The following GAREM1 variants were observed in gnomAD, a reference collection of about 807,000 sequenced individuals.
GAREM1 encodes the protein GRB2-associated and regulator of MAPK protein 1.
A neutral mutation model predicts 71.3 loss-of-function variants in GAREM1; 26 were observed. The ratio of observed to expected loss-of-function variants is 0.36; its 90% CI spans 0.27 to 0.51. The LOEUF is 0.51. Ranked by LOEUF, GAREM1 falls within the 20% of genes least tolerant of loss-of-function variation. GAREM1 has a pLI of 0.95. For missense variants in GAREM1, 1,026 were observed against 1,103.1 expected (o/e 0.93, Z 0.99); for synonymous variants, 440 against 433.2 (o/e 1.02, Z -0.20).
rs2047031882 is a variant in GAREM1, at chr18:32,287,339, T to C, written c.1258A>G (p.Ile420Val). The C allele has an allele frequency of 2.5e-6, 4 of 1,614,104 alleles. No individual in the cohort carries two copies. The highest frequency in any genetic ancestry group is 2.5e-6 in the Non-Finnish European group (3 of 1,180,020). The change falls in exon 4 of 6, where the codon ATC (isoleucine) becomes GTC (valine). Residue 420 changes from isoleucine to valine, a missense_variant. By Grantham distance (29) the Ile-to-Val change is conservative. Transcript: ENST00000269209. This position sits in a 1 kb window ranked among gnomAD's most constrained non-coding sequence, Gnocchi z 5.9. ...GGDWAPFPHD[I>V]LPYQDSGDSG... ...TCTCCAGAGTCCTGATAGGGCAGGA[T>C]GTCATGAGGAAAGGGAGCCCAATCT...
chr18:32,469,395 C>G (rs2049028584), intron 1 of GAREM1, among the ~76,000 whole-genome samples: 1 of 152,168 alleles, frequency 6.6e-6, no homozygotes, highest in African/African-American at 2.4e-5. Flanking sequence ...AGGCTTCTTT[C>G]TGCAAACAGT....
intron 2 of GAREM1, among the ~76,000 whole-genome samples, chr18:32,312,664 G>A (rs2047336016): frequency 1.3e-5 from 2 of 152,168 alleles, no homozygotes; most frequent in Admixed American, 1.3e-4. Context: ...TGTAGGAAAT[G>A]TTTTTATTTT....
intron 3 of GAREM1, among the ~76,000 whole-genome samples, chr18:32,299,922 A>C (rs1370648331): frequency 1.3e-5 from 2 of 152,306 alleles, no homozygotes; most frequent in East Asian, 3.9e-4. Context: ...ATATTATGAG[A>C]CTGTAAAAAT....
chr18:32,319,071 G>A (rs1275736523), intron 2 of GAREM1, among the ~76,000 whole-genome samples: 1 of 152,160 alleles, frequency 6.6e-6, no homozygotes, highest in Non-Finnish European at 1.5e-5. Context: ...CATAAAGCAG[G>A]TGCTTACTAA....
At chr18:32,363,995 C>CATATATACATATATAT (rs1398129084) in intron 2 of GAREM1, among the ~76,000 whole-genome samples, 1 of 21,338 alleles carries the variant, frequency 4.7e-5, no homozygotes, top group Non-Finnish European at 8.5e-5. Context: ...TACATATATA[C>CATATATACATATATAT]ATATATATAT....
At chr18:32,404,007 A>G (rs1417121237) in intron 1 of GAREM1, among the ~76,000 whole-genome samples, 4 of 152,230 alleles carry the variant, frequency 2.6e-5, no homozygotes, top group Non-Finnish European at 4.4e-5. Context: ...AAAGGTATGC[A>G]GGACCATAAC....
chr18:32,276,260 G>A (rs1307787960), intron 4 of GAREM1, among the ~76,000 whole-genome samples: 1 of 152,206 alleles, frequency 6.6e-6, no homozygotes, highest in Non-Finnish European at 1.5e-5. Context: ...TGTCTGTCCT[G>A]GGGGCTGATG....
intron 1 of GAREM1, among the ~76,000 whole-genome samples, chr18:32,438,833 CA>C (rs1310794083): frequency 6.6e-6 from 1 of 152,174 alleles, no homozygotes; most frequent in Non-Finnish European, 1.5e-5. Context: ...GTTAGCCCCT[CA>C]AGGTGACAAA....
In GAREM1 at chr18:32,268,559, C is replaced by A; in HGVS notation, c.1943G>T (p.Arg648Met). Reference protein sequence around the residue: ...TRSDFLLDPSRSYSYPRQKTP... With the variant: ...TRSDFLLDPSMSYSYPRQKTP... ...CTTTTGTCTAGGGTAACTATAACTC[C>A]TGCTTGGATCCAGCAGGAAGTCACT... The change falls in exon 6 of 6, where the codon AGG becomes ATG. Residue 648 changes from arginine to methionine, a missense_variant. Transcript: ENST00000269209. The A allele has an allele frequency of 6.2e-7, 1 of 1,614,152 alleles. No individual in the cohort carries two copies. Among genetic ancestry groups the A allele is most frequent in the Non-Finnish European group, 8.5e-7 (1 of 1,180,034 alleles).
At chr18:32,419,012 CAGGGTCCTCTTCTA>C (rs1599034423) in intron 1 of GAREM1, among the ~76,000 whole-genome samples, 1 of 152,194 alleles carries the variant, frequency 6.6e-6, no homozygotes, top group African/African-American at 2.4e-5. Context: ...ATCTGGAATT[CAGGGTCCTCTTCTA>C]AGCTCATTCT....
At chr18:32,419,679 C>G (rs540526536) in intron 1 of GAREM1, among the ~76,000 whole-genome samples, 2 of 151,840 alleles carry the variant, frequency 1.3e-5, no homozygotes, top group Non-Finnish European at 2.9e-5. Context: ...CTAAAAATTA[C>G]ATCTGTAAAA....
chr18:32,376,364 A>G (rs2048030429), intron 2 of GAREM1, among the ~76,000 whole-genome samples: 1 of 152,252 alleles, frequency 6.6e-6, no homozygotes, highest in South Asian at 2.1e-4. Flanking sequence ...TATTTCAAGT[A>G]TATCTGAAAC....
chr18:32,418,692 A>C (rs2048489330), intron 1 of GAREM1, among the ~76,000 whole-genome samples: 1 of 152,138 alleles, frequency 6.6e-6, no homozygotes, highest in Admixed American at 6.5e-5. Flanking sequence ...AATAAGATCG[A>C]ACTGGGGGTT....
At chr18:32,299,370 C>T (rs369397103) in intron 3 of GAREM1, among the ~76,000 whole-genome samples, 1 of 151,640 alleles carries the variant, frequency 6.6e-6, no homozygotes, top group African/African-American at 2.4e-5. Context: ...AAAAATTAGC[C>T]GGGTGTGGCG....
At chr18:32,289,751 T>C (rs1484513066) in intron 3 of GAREM1, among the ~76,000 whole-genome samples, 1 of 152,180 alleles carries the variant, frequency 6.6e-6, no homozygotes, top group Non-Finnish European at 1.5e-5. Flanking sequence ...TGTTTGCATC[T>C]AGTGGGTAGA....
At chr18:32,432,580 T>C (rs1041914386) in intron 1 of GAREM1, among the ~76,000 whole-genome samples, 1 of 151,992 alleles carries the variant, frequency 6.6e-6, no homozygotes, top group Non-Finnish European at 1.5e-5. Context: ...AGAGAAGAGA[T>C]ATAAATTATC....
At chr18:32,427,540 T>C (rs2048587085) in intron 1 of GAREM1, among the ~76,000 whole-genome samples, 1 of 152,292 alleles carries the variant, frequency 6.6e-6, no homozygotes, top group East Asian at 1.9e-4. Context: ...GTATCACCAC[T>C]ATCAGAAGCA....
chr18:32,328,116 C>T (rs1280913891), intron 2 of GAREM1, among the ~76,000 whole-genome samples: 1 of 152,104 alleles, frequency 6.6e-6, no homozygotes. Flanking sequence ...CAATGTATTA[C>T]TCTGTTCAAA....
At chr18:32,455,658 C>T (rs1299867926) in intron 1 of GAREM1, among the ~76,000 whole-genome samples, 1 of 152,128 alleles carries the variant, frequency 6.6e-6, no homozygotes, top group East Asian at 1.9e-4. Context: ...CACCAGGGTA[C>T]ATGGGCTTCA....
Sources: gnomAD v4.1 joint callset for allele counts (sites outside exome capture counted in the v4.1 genomes callset) on GRCh38, gnomAD v4.1.1 for gene constraint, Gnocchi (gnomAD v3.1) non-coding constraint, MANE v1.5 for transcripts, NCBI Gene and HGNC (gene_info 2026-07-23, HGNC 2026-07-21) for gene names.